ADA: variants seen among roughly 807,000 people sequenced by gnomAD.
ADA encodes adenosine deaminase.
ADA carries 45 observed loss-of-function variants against 49.0 expected under a neutral mutation model. The observed-to-expected ratio is 0.92, with a 90% CI of 0.72 to 1.18. ADA has a LOEUF of 1.18. Among genes scored for constraint, ADA ranks in the 50% most tolerant of loss-of-function variants. The probability of loss-of-function intolerance (pLI) is 0.00; values close to 1 mark genes in which losing one functional copy is unlikely to be tolerated. For missense variants in ADA, 445 were observed against 472.5 expected, an observed-to-expected ratio of 0.94 and a Z score of 0.54; for synonymous variants, 173 against 184.2, an observed-to-expected ratio of 0.94 and a Z score of 0.49.
chr20:44,625,172 A>AG (rs1343146783), intron 5 of ADA, among the ~76,000 whole-genome samples: 11 of 152,338 alleles, frequency 7.2e-5, no homozygotes, highest in Admixed American at 5.9e-4. Flanking sequence ...GATCTGCGTC[A>AG]GTGACAAGGG....
intron 1 of ADA, among the ~76,000 whole-genome samples, chr20:44,649,843 C>T (rs2065626621): frequency 6.8e-6 from 1 of 146,728 alleles, no homozygotes; most frequent in Admixed American, 7.0e-5. Context: ...TTATGCCATT[C>T]TCCTGCCTCA....
At chr20:44,650,262 C>T (rs1313999890) in intron 1 of ADA, among the ~76,000 whole-genome samples, 1 of 152,146 alleles carries the variant, frequency 6.6e-6, no homozygotes, top group Non-Finnish European at 1.5e-5. Context: ...AGCATTTTCC[C>T]TGGGCTGGGG....
intron 2 of ADA, among the ~76,000 whole-genome samples, chr20:44,631,246 G>A (rs1441279303): frequency 4.6e-5 from 7 of 152,114 alleles, no homozygotes; most frequent in Non-Finnish European, 1.0e-4. Context: ...GGGTCATGCT[G>A]GTGCCCACCA....
At chr20:44,650,433 TTC>T (rs1292861496) in intron 1 of ADA, among the ~76,000 whole-genome samples, 2 of 139,422 alleles carry the variant, frequency 1.4e-5, no homozygotes, top group Non-Finnish European at 3.3e-5. Context: ...TTTCTTTTTC[TTC>T]TCTTTTTTTT....
chr20:44,620,204 C>G, intron 11 of ADA, 95 bp downstream of exon 11: 1 of 1,114,100 alleles, frequency 9.0e-7, no homozygotes, highest in Non-Finnish European at 1.4e-6. Flanking sequence ...CATGGCGCTG[C>G]CCAAGAATGG....
Position 44,622,846 on chromosome 20 carries a change from C to T in ADA, c.763G>A (p.Glu255Lys). ...CCGCTTACCTCGAAGTGCATGTTTTCCTGCCGCAGCCTGTTATAAAGGGCC... is the reference window on the plus strand; with the variant it reads ...CCGCTTACCTCGAAGTGCATGTTTTTCTGCCGCAGCCTGTTATAAAGGGCC... ...DQALYNRLRQ[E>K]NMHFEICPWS... The change falls in exon 8 of 12, where the codon GAA (glutamate) becomes AAA (lysine). Residue 255 changes from glutamate (E) to lysine (K), a missense_variant. Physicochemically the swap from Glu to Lys is moderately conservative, Grantham distance 56. Transcript: ENST00000372874. 6.2e-7 allele frequency: 1 copy of T among 1,614,240 alleles called. No homozygotes were observed.
intron 2 of ADA, among the ~76,000 whole-genome samples, chr20:44,633,586 C>T (rs1245153188): frequency 6.6e-6 from 1 of 152,170 alleles, no homozygotes; most frequent in Admixed American, 6.5e-5. Flanking sequence ...TACAGCACTG[C>T]AGGGCCCGTA....
Position 44,626,530 on chromosome 20 carries a change from C to T in ADA, c.288G>A (p.Val96=), listed in dbSNP as rs2065384142. 1.9e-6 allele frequency: 3 copies of T among 1,614,216 alleles called. No individual in the cohort carries two copies. The highest frequency in any genetic ancestry group is 1.1e-5 in the South Asian group (1 of 91,086). ...GCGGACTGTACCGCACCTCCACATA[C>T]ACCACGCCCTCTTTGGCCTTCATCT... ...FVEMKAKEGV[V]YVEVRYSPHL... is the part of the protein sequence containing the mutation. The change falls in exon 4 of 12, where the codon GTG becomes GTA. Residue 96 remains valine, a synonymous_variant. Transcript: ENST00000372874.
At chr20:44,629,224 T>C (rs566173417) in intron 2 of ADA, 55 bp from the exon 3 acceptor site, 2 of 1,612,752 alleles carry the variant, frequency 1.2e-6, no homozygotes, top group African/African-American at 1.3e-5. Flanking sequence ...CAGGCAGGCC[T>C]GACAGGCCAG....
At chr20:44,647,523 T>C (rs2065603743) in intron 1 of ADA, among the ~76,000 whole-genome samples, 1 of 152,098 alleles carries the variant, frequency 6.6e-6, no homozygotes, top group African/African-American at 2.4e-5. Flanking sequence ...AGATTTTGTG[T>C]AGCCCTGGCA....
At chr20:44,645,508 A>C (rs2065582335) in intron 1 of ADA, among the ~76,000 whole-genome samples, 1 of 150,686 alleles carries the variant, frequency 6.6e-6, no homozygotes, top group Non-Finnish European at 1.5e-5. Context: ...TGTAATCCCA[A>C]CTACTTGGGA....
At chr20:44,650,772 C>T (rs567404211) in intron 1 of ADA, among the ~76,000 whole-genome samples, 54 of 152,274 alleles carry the variant, frequency 3.5e-4, no homozygotes, top group African/African-American at 1.2e-3. Flanking sequence ...TTGAGGCTGA[C>T]TGCAGCTGAC....
chr20:44,626,634 C>T (rs2065385442), intron 3 of ADA, 35 bp from the exon 4 acceptor site: 1 of 1,612,492 alleles, frequency 6.2e-7, no homozygotes, highest in African/African-American at 1.3e-5. Flanking sequence ...GAACAACCTT[C>T]CCCAAGTCCC....
At position 44,620,563 on chromosome 20, in the gene ADA, C is replaced by T. The variant is rs985069956; in HGVS notation, c.976-162G>A. 1.7e-5 allele frequency: 12 copies of T among 702,102 alleles called. No individual in the cohort carries two copies. In the Admixed American group the frequency reaches 2.5e-4, roughly 15 times the overall value. The allele number at this position is 702,102 out of a possible 1,614,324, so 43.5% of individuals were successfully genotyped here. A position where few individuals can be genotyped will look rare whatever the true frequency, so the allele number is the denominator to read the frequency against. ...ACGGCAGCAAGTGCCAGAGTAGAGA[C>T]CATGAGGTCGTGTTCTTAATTTGTC... On this transcript the variant is annotated intron_variant, in intron 10 of 11. Transcript: ENST00000372874.
In ADA at chr20:44,619,681, C is replaced by G; in HGVS notation, c.*153G>C. 1 of 995,946 alleles carries G rather than the reference C, an allele frequency of 1.0e-6. No homozygotes were observed. Among genetic ancestry groups the G allele is most frequent in the Non-Finnish European group, 1.6e-6 (1 of 635,730 alleles). The allele number at this position is 995,946 out of a possible 1,614,324, so 61.7% of individuals were successfully genotyped here. On this transcript the variant is annotated 3_prime_UTR_variant, in exon 12 of 12. Transcript: ENST00000372874. ...AGTGACGCGGCCATGCCGAGGTATA[C>G]GTGTGTGCAGAAATGGACACATAGG...
At chr20:44,647,329 G>A (rs566167137) in intron 1 of ADA, among the ~76,000 whole-genome samples, 1 of 152,064 alleles carries the variant, frequency 6.6e-6, no homozygotes, top group South Asian at 2.1e-4. Context: ...CCAGCTACTT[G>A]GGAGGCTGAG....
intron 10 of ADA, 112 bp downstream of exon 10, chr20:44,620,906 C>A (rs1294608137): frequency 1.2e-5 from 17 of 1,458,290 alleles, no homozygotes; most frequent in Admixed American, 1.7e-5. Flanking sequence ...TTGTCTTGGA[C>A]TGTTGAGGCA....
intron 3 of ADA, 111 bp downstream of exon 3, chr20:44,628,934 GAC>G: frequency 6.6e-7 from 1 of 1,516,208 alleles, no homozygotes; most frequent in Non-Finnish European, 9.1e-7. Flanking sequence ...TGGTGAGAAA[GAC>G]AGCTGTGGTT....
At chr20:44,639,291 G>A (rs563550036) in intron 1 of ADA, among the ~76,000 whole-genome samples, 30 of 152,068 alleles carry the variant, frequency 2.0e-4, no homozygotes, top group Admixed American at 3.9e-4. Flanking sequence ...AGCAATTCCC[G>A]CAGTTTGAGA....
Sources: gnomAD v4.1 joint callset for allele counts (sites outside exome capture counted in the v4.1 genomes callset) on GRCh38, gnomAD v4.1.1 for gene constraint, MANE v1.5 for transcripts, NCBI Gene and HGNC (gene_info 2026-07-23, HGNC 2026-07-21) for gene names.